Variants in MAML3 observed in about 807,000 individuals in gnomAD.
MAML3 encodes the protein mastermind-like protein 3.
Under a neutral mutation model 101.9 loss-of-function variants are expected in MAML3, and 27 were observed. The ratio of observed to expected loss-of-function variants is 0.27; its 90% CI spans 0.20 to 0.37. MAML3 has a LOEUF of 0.37. Among genes scored for constraint, MAML3 ranks in the 10% least tolerant of loss-of-function variants. The probability of loss-of-function intolerance (pLI) is 1.00; values close to 1 mark genes in which losing one functional copy is unlikely to be tolerated. For missense variants in MAML3, 1,316 were observed against 1,444.9 expected (o/e 0.91, Z 1.45); for synonymous variants, 501 against 555.9 (o/e 0.90, Z 1.39).
At chr4:140,075,409 A>C (rs1010769953) in intron 1 of MAML3, among the ~76,000 whole-genome samples, 11 of 152,362 alleles carry the variant, frequency 7.2e-5, no homozygotes, top group South Asian at 6.2e-4. Flanking sequence ...TTAACATCAA[A>C]ATCTAGATGT....
intron 2 of MAML3, among the ~76,000 whole-genome samples, chr4:139,884,788 A>G (rs1732293550): frequency 6.6e-6 from 1 of 152,194 alleles, no homozygotes; most frequent in Admixed American, 6.5e-5. Flanking sequence ...TGCTTTCTCC[A>G]TTGGAGCTGA....
At chr4:139,761,387 A>C (rs1543067) in intron 2 of MAML3, among the ~76,000 whole-genome samples, 1 of 152,146 alleles carries the variant, frequency 6.6e-6, no homozygotes, top group African/African-American at 2.4e-5. Context: ...GAGAGTCTGG[A>C]GGGGGCGTTA....
At chr4:140,102,482 T>C (rs1728270599) in intron 1 of MAML3, among the ~76,000 whole-genome samples, 1 of 152,246 alleles carries the variant, frequency 6.6e-6, no homozygotes, top group South Asian at 2.1e-4. Flanking sequence ...CTCCTATCTG[T>C]GTCCTCACAT....
At chr4:140,090,083 C>G (rs568229437) in intron 1 of MAML3, among the ~76,000 whole-genome samples, 2 of 152,290 alleles carry the variant, frequency 1.3e-5, no homozygotes, top group East Asian at 3.9e-4. Context: ...TGGACAATAT[C>G]CCCCAAGAAA....
intron 2 of MAML3, among the ~76,000 whole-genome samples, chr4:139,864,936 T>TTTG: frequency 1.4e-5 from 2 of 142,844 alleles, no homozygotes; most frequent in Non-Finnish European, 3.1e-5. Flanking sequence ...TTTTTTTTTT[T>TTTG]TTTTTTTTTT....
chr4:140,112,671 T>C (rs562058066), intron 1 of MAML3, among the ~76,000 whole-genome samples: 2 of 152,338 alleles, frequency 1.3e-5, no homozygotes, highest in African/African-American at 2.4e-5. Context: ...CACCAGCCAG[T>C]CTGCTTGCAG....
intron 1 of MAML3, among the ~76,000 whole-genome samples, chr4:140,001,747 T>C (rs1400417542): frequency 1.3e-5 from 2 of 152,242 alleles, no homozygotes; most frequent in East Asian, 3.8e-4. Flanking sequence ...AATGTATCTG[T>C]ACTTCACAAA....
Position 139,762,903 on chromosome 4 carries a change from G to C in MAML3, c.2080-32236C>G, listed in dbSNP as rs1729784235. On this transcript the variant is annotated intron_variant, in intron 2 of 4. Coordinates refer to ENST00000509479, the MANE Select transcript of MAML3 (RefSeq NM_018717.5). ...TTTCTTTCCTGAGGAGGGCTGGAGA[G>C]GGGGTGCGTGTGCATATTTCGTGTC... 2.0e-5 allele frequency among the ~76,000 whole-genome samples: 3 copies of C among 152,180 alleles called. No homozygotes were observed. In the South Asian group the frequency reaches 6.2e-4, roughly 32 times the overall value.
intron 1 of MAML3, among the ~76,000 whole-genome samples, chr4:140,047,753 C>T (rs1408422283): frequency 4.9e-5 from 6 of 122,286 alleles, no homozygotes; most frequent in East Asian, 5.5e-4. Flanking sequence ...AAGATGGACG[C>T]GCTGCTCAGA....
chr4:140,084,467 G>A (rs7695995), intron 1 of MAML3, among the ~76,000 whole-genome samples: 4,016 of 152,230 alleles, frequency 0.026, 182 homozygotes, highest in African/African-American at 0.09. Context: ...AAAGACAACA[G>A]TAATGCTGTG....
chr4:139,973,754 A>T (rs565912023), intron 1 of MAML3, among the ~76,000 whole-genome samples: 1 of 152,338 alleles, frequency 6.6e-6, no homozygotes, highest in South Asian at 2.1e-4. Context: ...AGAGGATGGG[A>T]TGCTGCCACA....
chr4:139,721,509 T>C (rs1560768026), intron 4 of MAML3, among the ~76,000 whole-genome samples: 1 of 152,208 alleles, frequency 6.6e-6, no homozygotes, highest in Non-Finnish European at 1.5e-5. Flanking sequence ...CAGATGAGAA[T>C]AGTCTAACCT....
chr4:140,127,273 T>G (rs140951567), intron 1 of MAML3, among the ~76,000 whole-genome samples: 3 of 152,326 alleles, frequency 2.0e-5, no homozygotes, highest in Non-Finnish European at 4.4e-5. Flanking sequence ...CCTCCATCCA[T>G]GGAGCCCTCA....
chr4:139,748,085 A>G (rs2111035340), intron 2 of MAML3, among the ~76,000 whole-genome samples: 1 of 150,944 alleles, frequency 6.6e-6, no homozygotes, highest in Middle Eastern at 3.4e-3. Context: ...AAGAATGCAC[A>G]TATAGAGGTA....
At chr4:140,137,475 C>T (rs1040754357) in intron 1 of MAML3, among the ~76,000 whole-genome samples, 16 of 152,206 alleles carry the variant, frequency 1.1e-4, no homozygotes, top group African/African-American at 3.9e-4. Context: ...TTGCTTCTTC[C>T]TCTTACAGTC....
At chr4:139,856,449 C>T (rs1731665046) in intron 2 of MAML3, among the ~76,000 whole-genome samples, 1 of 152,196 alleles carries the variant, frequency 6.6e-6, no homozygotes, top group African/African-American at 2.4e-5. Flanking sequence ...ACTCTCTCCT[C>T]TAGCATAAAG....
chr4:140,128,955 A>G (rs1728733549), intron 1 of MAML3, among the ~76,000 whole-genome samples: 1 of 152,062 alleles, frequency 6.6e-6, no homozygotes, highest in Non-Finnish European at 1.5e-5. Flanking sequence ...ACCTAAATCC[A>G]CTGGTCTCCT....
chr4:140,080,508 T>C (rs1473541399), intron 1 of MAML3, among the ~76,000 whole-genome samples: 4 of 152,228 alleles, frequency 2.6e-5, no homozygotes, highest in South Asian at 2.1e-4. Context: ...TTTCTAGTAG[T>C]ACATTTTTAT....
intron 1 of MAML3, among the ~76,000 whole-genome samples, chr4:139,989,721 T>A (rs953123445): frequency 2.6e-5 from 4 of 152,012 alleles, no homozygotes; most frequent in Non-Finnish European, 4.4e-5. Flanking sequence ...CCAAGGCCTT[T>A]AAAGGATTGG....
Sources: allele counts gnomAD v4.1 joint callset (sites outside exome capture counted in the v4.1 genomes callset), GRCh38; gene constraint gnomAD v4.1.1; transcripts MANE v1.5; gene names NCBI Gene and HGNC (gene_info 2026-07-23, HGNC 2026-07-21).